The following PNPLA6 variants were observed in gnomAD, a reference collection of about 807,000 sequenced individuals.
PNPLA6 encodes patatin like domain 6, lysophospholipase.
A neutral mutation model predicts 153.7 loss-of-function variants in PNPLA6; 105 were observed. That is an observed-to-expected ratio of 0.68 (90% CI 0.58 to 0.80). PNPLA6 has a LOEUF of 0.80. Ranked by LOEUF, PNPLA6 falls within the 30% of genes least tolerant of loss-of-function variation. PNPLA6 has a pLI of 0.00. For missense variants in PNPLA6, 1,423 were observed against 1,919.3 expected, an observed-to-expected ratio of 0.74 and a Z score of 4.83; for synonymous variants, 825 against 822.2, an observed-to-expected ratio of 1.00 and a Z score of -0.06.
rs745725479 is a variant in PNPLA6 at position 7,556,459 on chromosome 19, A to G, written c.3100A>G (p.Thr1034Ala). Residue 1034 changes from threonine (T) to alanine (A), a missense_variant, in exon 25 of 32, where the codon ACT becomes GCT. Physicochemically the swap from Thr to Ala is moderately conservative, Grantham distance 58. Transcript: ENST00000600737. Reference protein sequence around the residue: ...QRAREWAKSMTSVLEPVLDLT... With the variant: ...QRAREWAKSMASVLEPVLDLT... ...TCTGGCCCCTTGTCCCTAGAGCATG[A>G]CTTCGGTGCTGGAACCTGTGTTGGA... is the stretch of plus-strand genomic sequence containing the variant. 3.7e-6 allele frequency: 6 copies of G among 1,608,534 alleles called. No homozygotes were observed. In the East Asian group the frequency reaches 1.1e-4, roughly 30 times the overall value.
Position 7,540,817 on chromosome 19 carries a change from C to G in PNPLA6, c.796-106C>G. On this transcript the variant is annotated intron_variant, in intron 6 of 31. Coordinates refer to ENST00000600737, the MANE Select transcript of PNPLA6 (RefSeq NM_001166114.2). The surrounding 1 kb of genome is among the most constrained non-coding windows in gnomAD (Gnocchi z 6.8). ...CCCAATCTCTGGTTCATCCGTTATG[C>G]TGCCGATGGCCCCTCACGGGACTGG... 6.4e-7 allele frequency: 1 copy of G among 1,562,330 alleles called. No individual in the cohort carries two copies. Among genetic ancestry groups the G allele is most frequent in the Non-Finnish European group, 8.8e-7 (1 of 1,133,422 alleles).
chr19:7,540,901 T>A lies in PNPLA6; in HGVS notation c.796-22T>A. ...CTCGCAGCCTCTGCCCTTGTCTCTC[T>A]TCACGCCCTCCCCTCCCCCAGGGTC... is the stretch of plus-strand genomic sequence containing the variant. On this transcript the variant is annotated intron_variant, in intron 6 of 31. Coordinates refer to ENST00000600737, the MANE Select transcript of PNPLA6 (RefSeq NM_001166114.2). This position sits in a 1 kb window ranked among gnomAD's most constrained non-coding sequence, Gnocchi z 6.8. 1 of 1,613,012 alleles carries A rather than the reference T, an allele frequency of 6.2e-7. No homozygotes were observed. The highest frequency in any genetic ancestry group is 8.5e-7 in the Non-Finnish European group (1 of 1,179,906).
At chr19:7,554,833 C>T in intron 21 of PNPLA6, 60 bp from the exon 22 acceptor site, 1 of 1,569,542 alleles carries the variant, frequency 6.4e-7, no homozygotes, top group Non-Finnish European at 8.6e-7. Context: ...CGATCAGGGA[C>T]CCAGGTGTGG....
chr19:7,537,935 C>G (rs908641161), intron 3 of PNPLA6, among the ~76,000 whole-genome samples: 12 of 152,056 alleles, frequency 7.9e-5, no homozygotes, highest in Admixed American at 1.3e-4. Flanking sequence ...CGACTGAGCC[C>G]GGCCAATGGC....
intron 24 of PNPLA6, 23 bp from the exon 25 acceptor site, chr19:7,556,430 C>A (rs377740572): frequency 8.2e-6 from 12 of 1,457,338 alleles, no homozygotes; most frequent in Non-Finnish European, 1.1e-5. Flanking sequence ...CCTATTTGAC[C>A]CTGTCTGGCC....
At chr19:7,558,741 C>CTT (rs201915883) in intron 27 of PNPLA6, 109 bp from the exon 28 acceptor site, 6 of 726,148 alleles carry the variant, frequency 8.3e-6, no homozygotes, top group East Asian at 3.1e-5. Flanking sequence ...GGTATTCTCT[C>CTT]TTTTTTTTTT....
chr19:7,557,811 T>TCTACATC (rs1284282174), intron 27 of PNPLA6, among the ~76,000 whole-genome samples: 3 of 144,236 alleles, frequency 2.1e-5, no homozygotes, highest in Non-Finnish European at 4.6e-5. Flanking sequence ...AAGAAAGAAA[T>TCTACATC]CTACATCTAC....
chr19:7,549,744 C>T (rs537823892), intron 13 of PNPLA6, 163 bp from the exon 14 acceptor site: 2 of 709,992 alleles, frequency 2.8e-6, no homozygotes, highest in East Asian at 2.7e-5. Context: ...TGCCTGGCCT[C>T]CCAAAGCGCT....
intron 13 of PNPLA6, among the ~76,000 whole-genome samples, chr19:7,547,508 C>T (rs492728): frequency 0.7 from 106,321 of 152,000 alleles, 37,453 homozygotes; most frequent in South Asian, 0.78. Context: ...TTTACTCTTA[C>T]TTTTTTTAGA....
chr19:7,542,574 C>A lies in PNPLA6; in HGVS notation c.1266C>A (p.Gly422=), dbSNP rs984241154. 17 of 1,613,464 alleles carry A rather than the reference C, an allele frequency of 1.1e-5. No individual in the cohort carries two copies. The highest frequency in any genetic ancestry group is 1.4e-5 in the Non-Finnish European group (17 of 1,179,728). ...GCCTGCCTGCAGGCTTGCAGGGTGGCCCCCGCTCCGACTTCGACATGGCCT... is the reference window on the plus strand; with the variant it reads ...GCCTGCCTGCAGGCTTGCAGGGTGGACCCCGCTCCGACTTCGACATGGCCT... ...MPGDISGLQG[G]PRSDFDMAYE... The change falls in exon 11 of 32, where the codon GGC becomes GGA. Residue 422 remains glycine (G), a synonymous_variant. Transcript: ENST00000600737.
Position 7,554,942 on chromosome 19 carries a change from T to G in PNPLA6, c.2684T>G (p.Val895Gly). 1 of 1,582,108 alleles carries G rather than the reference T, an allele frequency of 6.3e-7. No homozygotes were observed. Among genetic ancestry groups the G allele is most frequent in the Non-Finnish European group, 8.5e-7 (1 of 1,170,916 alleles). Residue 895 changes from valine to glycine, a missense_variant, in exon 22 of 32, where the codon GTC becomes GGC. Around this residue, in one of 10 missense-constraint regions of PNPLA6, gnomAD observed 643 missense variants for 835.2 expected, o/e 0.77. Transcript: ENST00000600737. ...GCTGTGCGCGCCCTTAAGCAGCTAG[T>G]CCTGCTCCACCGAGAGGAGGGCGCG... ...NTAVRALKQL[V>G]LLHREEGAGP...
chr19:7,553,798 G>A (rs2023753891), intron 18 of PNPLA6, 77 bp from the exon 19 acceptor site: 4 of 1,572,442 alleles, frequency 2.5e-6, no homozygotes, highest in Admixed American at 1.7e-5. Context: ...GGAGGAAGAG[G>A]AAGAAGAGGA....
rs370597983 is a variant in PNPLA6, at chr19:7,557,295, G to A, written c.3397+11G>A. 1.8e-5 allele frequency: 28 copies of A among 1,535,020 alleles called. No homozygotes were observed. The highest frequency in any genetic ancestry group is 1.7e-4 in the Middle Eastern group (1 of 5,940). ...TCAACAATCTGCCAGGCAAGTGGCC[G>A]CCCGCACCACCCGCACACGCAAGCA... On this transcript the variant is annotated intron_variant, in intron 27 of 31. Transcript: ENST00000600737.
Position 7,558,909 on chromosome 19 carries a change from G to C in PNPLA6, c.3457G>C (p.Asp1153His), listed in dbSNP as rs746368287. Residue 1153 changes from aspartate to histidine, a missense_variant, in exon 28 of 32, where the codon GAT becomes CAT. By Grantham distance (81) the Asp-to-His change is moderately conservative. Transcript: ENST00000600737. ...TVIAIDVGSQ[D>H]ETDLSTYGDS... ...CATCGCCATTGACGTGGGGAGCCAG[G>C]ATGAGACGGACCTCAGCACCTACGG... The C allele has an allele frequency of 6.2e-7, 1 of 1,614,068 alleles. No individual in the cohort carries two copies. Among genetic ancestry groups the C allele is most frequent in the South Asian group, 1.1e-5 (1 of 91,084 alleles).
At chr19:7,556,966 G>C in intron 26 of PNPLA6, 1 of 703,098 alleles carries the variant, frequency 1.4e-6, no homozygotes. Context: ...ATCCCCGCAG[G>C]CTGTGTGTGG....
At chr19:7,560,049 A>G (rs1488173063) in intron 28 of PNPLA6, among the ~76,000 whole-genome samples, 1 of 151,000 alleles carries the variant, frequency 6.6e-6, no homozygotes, top group Non-Finnish European at 1.5e-5. Context: ...CTGCAGCAGG[A>G]GAAATCGCTT....
At chr19:7,538,770 G>A (rs10417594) in intron 3 of PNPLA6, among the ~76,000 whole-genome samples, 37,156 of 152,188 alleles carry the variant, frequency 0.24, 4,862 homozygotes, top group Middle Eastern at 0.34. Flanking sequence ...GTAGAACAGA[G>A]AGACTGTATC....
rs2024010874 is a variant in PNPLA6, at chr19:7,559,252, C to T, written c.3699+101C>T. The T allele has an allele frequency of 4.0e-5, 39 of 968,894 alleles. 1 individual carries two copies. The South Asian group carries it at 5.2e-4, about 13-fold the overall frequency. The allele number at this position is 968,894 out of a possible 1,614,324, so 60.0% of individuals were successfully genotyped here. ...TGAGGGGGAGGAATCCAGGAGGAAT[C>T]CAGGAATCCCATCTGGAATCTCTGG... is the stretch of plus-strand genomic sequence containing the variant. On this transcript the variant is annotated intron_variant, in intron 28 of 31. Coordinates refer to ENST00000600737, the MANE Select transcript of PNPLA6 (RefSeq NM_001166114.2).
rs1185705692 is a variant in PNPLA6 at position 7,555,405 on chromosome 19, A to C, written c.2936+38A>C. 10 of 1,421,598 alleles carry C rather than the reference A, an allele frequency of 7.0e-6. No individual in the cohort carries two copies. The highest frequency in any genetic ancestry group is 7.7e-6 in the Non-Finnish European group (8 of 1,040,744). 88.1% of individuals were successfully genotyped at this position (1,421,598 alleles called of 1,614,324 possible). A position where few individuals can be genotyped will look rare whatever the true frequency, so the allele number is the denominator to read the frequency against. ...CTTGCTCTCTGGGGGCGGGGCCTGG[A>C]TGTCCGAGGGTGGAGCTTCCTGGGA... On this transcript the variant is annotated intron_variant, in intron 23 of 31. Transcript: ENST00000600737. The surrounding 1 kb of genome is among the most constrained non-coding windows in gnomAD (Gnocchi z 6.3).
Sources: allele counts gnomAD v4.1 joint callset (sites outside exome capture counted in the v4.1 genomes callset), GRCh38; gene constraint gnomAD v4.1.1; regional missense constraint gnomAD v4.1.1; non-coding constraint Gnocchi (gnomAD v3.1); transcripts MANE v1.5; gene names NCBI Gene and HGNC (gene_info 2026-07-23, HGNC 2026-07-21).